HYDIN: variants seen among roughly 807,000 people sequenced by gnomAD.
HYDIN encodes the protein HYDIN axonemal central pair apparatus protein.
HYDIN carries 132 observed loss-of-function variants against 403.9 expected under a neutral mutation model. The observed-to-expected ratio is 0.33, with a 90% CI of 0.28 to 0.38. The LOEUF (loss-of-function observed/expected upper bound fraction) is 0.38. Among genes scored for constraint, HYDIN ranks in the 10% least tolerant of loss-of-function variants. HYDIN has a pLI of 1.00. For synonymous variants in HYDIN, 1,202 were observed against 1,891.7 expected (o/e 0.64, Z 9.46); for missense variants, 2,827 against 5,009.5 (o/e 0.56, Z 13.15).
At chr16:70,898,891 G>A (rs1251255684) in intron 53 of HYDIN, among the ~76,000 whole-genome samples, 1 of 151,486 alleles carries the variant, frequency 6.6e-6, no homozygotes, top group African/African-American at 2.4e-5. Flanking sequence ...TTACAGGCGT[G>A]CGCCACCACA....
intron 11 of HYDIN, among the ~76,000 whole-genome samples, chr16:71,090,692 A>G (rs1311324692): frequency 6.6e-6 from 1 of 151,052 alleles, no homozygotes; most frequent in African/African-American, 2.4e-5. Flanking sequence ...TTTTGTAGAG[A>G]TGGGGTCTTT....
intron 18 of HYDIN, among the ~76,000 whole-genome samples, chr16:71,053,927 C>T (rs1479721373): frequency 3.3e-5 from 5 of 152,294 alleles, no homozygotes; most frequent in Non-Finnish European, 5.9e-5. Context: ...GAATTAAATA[C>T]TTCTATGGTA....
Position 71,200,176 on chromosome 16 carries a change from T to C in HYDIN, c.-23-13258A>G, listed in dbSNP as rs557521887. Among the ~76,000 whole-genome samples, 4 of 152,350 alleles carry C rather than the reference T, an allele frequency of 2.6e-5. No individual in the cohort carries two copies. The East Asian group carries it at 7.7e-4, about 29-fold the overall frequency. ...CTAAAAAGGGGAGGCATGAATAATC[T>C]GCCCCTTGTTTAGCAAATCATCAAA... On this transcript the variant is annotated intron_variant, in intron 1 of 85. Coordinates refer to ENST00000393567, the MANE Select transcript of HYDIN (RefSeq NM_001270974.2).
intron 30 of HYDIN, among the ~76,000 whole-genome samples, chr16:70,978,013 C>T (rs925164047): frequency 6.6e-6 from 1 of 151,990 alleles, no homozygotes; most frequent in African/African-American, 2.4e-5. Context: ...CAACCTCTCT[C>T]TCTCCCCGAG....
In HYDIN at chr16:71,088,511, T is replaced by C. The variant is rs1456003347; in HGVS notation, c.1460A>G (p.Asn487Ser). The change falls in exon 12 of 86, where the codon AAC becomes AGC. Residue 487 changes from asparagine to serine, a missense_variant. By Grantham distance (46) the Asn-to-Ser change is conservative. Coordinates refer to ENST00000393567, the MANE Select transcript of HYDIN (RefSeq NM_001270974.2). Reference protein sequence around the residue: ...SAHCYEAILYNKGSIDALFNM... With the variant: ...SAHCYEAILYSKGSIDALFNM... Reference sequence around the variant, plus strand: ...GAAGAGAGCATCGATGCTGCCTTTGTTGTACAGTATCGCCTATATCAATAA... The same window carrying C: ...GAAGAGAGCATCGATGCTGCCTTTGCTGTACAGTATCGCCTATATCAATAA... The C allele has an allele frequency of 7.5e-6, 5 of 666,246 alleles. No homozygotes were observed. Among genetic ancestry groups the C allele is most frequent in the Non-Finnish European group, 1.3e-5 (5 of 376,288 alleles). 41.3% of individuals were successfully genotyped at this position (666,246 alleles called of 1,614,324 possible). A position where few individuals can be genotyped will look rare whatever the true frequency, so the allele number is the denominator to read the frequency against.
Position 70,938,753 on chromosome 16 carries a change from G to C in HYDIN, c.6856C>G (p.Arg2286Gly). 1 of 1,613,988 alleles carries C rather than the reference G, an allele frequency of 6.2e-7. No homozygotes were observed. The change falls in exon 44 of 86, where the codon CGC (arginine) becomes GGC (glycine). Residue 2286 changes from arginine (R) to glycine (G), a missense_variant and splice_region_variant. Physicochemically the swap from Arg to Gly is moderately radical, Grantham distance 125. Coordinates refer to ENST00000393567, the MANE Select transcript of HYDIN (RefSeq NM_001270974.2). ...TTCTCAAGAGCTCCCTTGTGCTTGC[G>C]TTCTGTGAGGGGAACAGAGACGGGA... ...QEKAKKEQEE[R>G]KHKGALEKEK...
intron 21 of HYDIN, among the ~76,000 whole-genome samples, chr16:71,022,906 G>T (rs2080549930): frequency 6.6e-6 from 1 of 151,626 alleles, no homozygotes; most frequent in African/African-American, 2.4e-5. Flanking sequence ...CCCCCAAAAG[G>T]CATAAGGATA....
intron 50 of HYDIN, among the ~76,000 whole-genome samples, chr16:70,906,159 C>A (rs547548468): frequency 3.9e-5 from 6 of 152,308 alleles, no homozygotes; most frequent in Non-Finnish European, 8.8e-5. Flanking sequence ...TGAAAAAAAA[C>A]TAGAATTGCT....
intron 7 of HYDIN, among the ~76,000 whole-genome samples, chr16:71,140,982 G>GA (rs551582365): frequency 0.01 from 1,515 of 150,316 alleles, 27 homozygotes; most frequent in African/African-American, 0.035. Flanking sequence ...TAGATCTAAG[G>GA]AAAAAAAATG....
chr16:70,837,974 G>A (rs1298706111), intron 76 of HYDIN, 86 bp from the exon 77 acceptor site: 1 of 1,447,428 alleles, frequency 6.9e-7, no homozygotes, highest in East Asian at 2.5e-5. Flanking sequence ...CTTTGGGCTG[G>A]ACACTGATGG....
chr16:71,133,110 C>A (rs979208), intron 8 of HYDIN: 57 of 399,612 alleles, frequency 1.4e-4, no homozygotes, highest in African/African-American at 1.0e-3. Flanking sequence ...CAGGGTTGAA[C>A]GAGTAATAGT....
At chr16:70,948,244 G>A (rs1255368402) in intron 41 of HYDIN, among the ~76,000 whole-genome samples, 2 of 149,630 alleles carry the variant, frequency 1.3e-5, no homozygotes, top group Non-Finnish European at 3.0e-5. Flanking sequence ...TGGGAAAACT[G>A]GCTAGCCATA....
At chr16:71,049,922 T>C (rs555410122) in intron 18 of HYDIN, among the ~76,000 whole-genome samples, 1 of 141,234 alleles carries the variant, frequency 7.1e-6, no homozygotes, top group South Asian at 2.4e-4. Context: ...CAGAGAGAGA[T>C]GAAGAGGTGA....
intron 1 of HYDIN, chr16:71,203,695 A>G (rs774907786): frequency 4.4e-6 from 2 of 455,426 alleles, no homozygotes; most frequent in South Asian, 3.1e-5. Flanking sequence ...ATTCTTATGA[A>G]TCTCACATTT....
intron 25 of HYDIN, among the ~76,000 whole-genome samples, chr16:70,991,012 C>G (rs974057654): frequency 1.3e-4 from 20 of 152,186 alleles, no homozygotes; most frequent in Non-Finnish European, 2.2e-4. Flanking sequence ...TTTACTTAGG[C>G]CGTCATTCTA....
intron 9 of HYDIN, among the ~76,000 whole-genome samples, chr16:71,123,954 C>T (rs2356328): frequency 0.32 from 47,886 of 151,068 alleles, 7,234 homozygotes; most frequent in East Asian, 0.54. Flanking sequence ...CTAAATTACC[C>T]AGTCTCAGAT....
intron 84 of HYDIN, chr16:70,811,503 T>C (rs530534508): frequency 2.0e-5 from 3 of 151,018 alleles, no homozygotes; most frequent in Admixed American, 6.6e-5. Context: ...TTATAGTTGT[T>C]TAACAAAAAA....
Position 70,963,864 on chromosome 16 carries a change from T to C in HYDIN, c.5788+864A>G, listed in dbSNP as rs370749050. Among the ~76,000 whole-genome samples, 63 of 148,736 alleles carry C rather than the reference T, an allele frequency of 4.2e-4. 1 individual carries two copies. The highest frequency in any genetic ancestry group is 1.4e-3 in the African/African-American group (55 of 39,708). On this transcript the variant is annotated intron_variant, in intron 37 of 85. Coordinates refer to ENST00000393567, the MANE Select transcript of HYDIN (RefSeq NM_001270974.2). The stretch of plus-strand genomic sequence containing the variant: ...CACTATTGGGTCTACTGCTGTTCCA[T>C]GCACTAGTTTTACACATGGGGAATA...
intron 1 of HYDIN, among the ~76,000 whole-genome samples, chr16:71,218,959 T>G (rs2089042200): frequency 6.6e-6 from 1 of 152,226 alleles, no homozygotes; most frequent in African/African-American, 2.4e-5. Context: ...AATTTCTGCT[T>G]TCCTGGTTTT....
Sources: gnomAD v4.1 joint callset for allele counts (sites outside exome capture counted in the v4.1 genomes callset) on GRCh38, gnomAD v4.1.1 for gene constraint, MANE v1.5 for transcripts, NCBI Gene and HGNC (gene_info 2026-07-23, HGNC 2026-07-21) for gene names.